ICAM1: variants seen among roughly 807,000 people sequenced by gnomAD.
ICAM1 encodes the protein intercellular adhesion molecule 1.
In ICAM1, 28 loss-of-function variants were observed where a neutral mutation model predicts 42.3. That is an observed-to-expected ratio of 0.66 (90% CI 0.49 to 0.91). The LOEUF (loss-of-function observed/expected upper bound fraction) is 0.91. ICAM1 is among the 40% of genes least tolerant of loss of function. The pLI is 0.00. For synonymous variants in ICAM1, 304 were observed against 305.9 expected, an observed-to-expected ratio of 0.99 and a Z score of 0.07; for missense variants, 637 against 688.6, an observed-to-expected ratio of 0.93 and a Z score of 0.84.
intron 1 of ICAM1, among the ~76,000 whole-genome samples, chr19:10,271,877 C>T (rs2039983955): frequency 6.6e-6 from 1 of 152,032 alleles, no homozygotes; most frequent in African/African-American, 2.4e-5. Flanking sequence ...GCACACCCTC[C>T]CCCAGCTCCA....
rs757120426 is a variant in ICAM1 at position 10,283,729 on chromosome 19, C to G, written c.580C>G (p.Pro194Ala). 1 of 1,613,518 alleles carries G rather than the reference C, an allele frequency of 6.2e-7. No homozygotes were observed. Among genetic ancestry groups the G allele is most frequent in the Admixed American group, 1.7e-5 (1 of 59,944 alleles). ...FSCRTELDLR[P>A]QGLELFENTS... is the part of the protein sequence containing the mutation. The stretch of plus-strand genomic sequence containing the variant: ...GTGCCGCACTGAACTGGACCTGCGG[C>G]CCCAAGGGCTGGAGCTGTTTGAGAA... The change falls in exon 3 of 7, where the codon CCC becomes GCC. Residue 194 changes from proline to alanine, a missense_variant. By Grantham distance (27) the Pro-to-Ala change is conservative. Coordinates refer to ENST00000264832, the MANE Select transcript of ICAM1 (RefSeq NM_000201.3).
At chr19:10,279,865 T>TA (rs5827095) in intron 2 of ICAM1, among the ~76,000 whole-genome samples, 160 of 142,336 alleles carry the variant, frequency 1.1e-3, no homozygotes, top group East Asian at 1.7e-3. Context: ...ACACTGCCCC[T>TA]AAAAAAAAAA....
chr19:10,281,031 G>A (rs532743784), intron 2 of ICAM1, among the ~76,000 whole-genome samples: 3,804 of 137,962 alleles, frequency 0.028, 152 homozygotes, highest in African/African-American at 0.093. Context: ...CCACCACCAC[G>A]CCTGGCTAAT....
chr19:10,282,732 G>T (rs1329676039), intron 2 of ICAM1, among the ~76,000 whole-genome samples: 1 of 151,670 alleles, frequency 6.6e-6, no homozygotes, highest in Non-Finnish European at 1.5e-5. Flanking sequence ...GAATGTCTAG[G>T]CCAGGCTCAT....
rs150121537 is a variant in ICAM1 at position 10,284,974 on chromosome 19, C to T, written c.1372C>T (p.Arg458Trp). ...TRDLEGTYLCRARSTQGEVTR... is the reference protein window; with the variant it reads ...TRDLEGTYLCWARSTQGEVTR... ...AGATCTTGAGGGCACCTACCTCTGT[C>T]GGGCCAGGAGCACTCAAGGGGAGGT... The change falls in exon 6 of 7, where the codon CGG (arginine) becomes TGG (tryptophan). Residue 458 changes from arginine to tryptophan, a missense_variant. Arg to Trp is a moderately radical substitution (Grantham distance 101). Coordinates refer to ENST00000264832, the MANE Select transcript of ICAM1 (RefSeq NM_000201.3). The surrounding 1 kb of genome is among the most constrained non-coding windows in gnomAD (Gnocchi z 5.4). 2.7e-3 allele frequency: 4,341 copies of T among 1,611,720 alleles called. 18 individuals carry two copies. Among genetic ancestry groups the T allele is most frequent in the Non-Finnish European group, 3.0e-3 (3,577 of 1,178,486 alleles).
At chr19:10,278,281 T>C (rs2040030897) in intron 2 of ICAM1, among the ~76,000 whole-genome samples, 1 of 152,320 alleles carries the variant, frequency 6.6e-6, no homozygotes, top group Non-Finnish European at 1.5e-5. Flanking sequence ...GGGACATGAC[T>C]TCTGCATTTA....
rs146780348 is a variant in ICAM1 at position 10,274,923 on chromosome 19, C to T, written c.226C>T (p.Arg76Trp). ...KKELLLPGNN[R>W]KVYELSNVQE... ...GGAGTTGCTCCTGCCTGGGAACAAC[C>T]GGAAGGTGTATGAACTGAGCAATGT... The change falls in exon 2 of 7, where the codon CGG becomes TGG. Residue 76 changes from arginine (R) to tryptophan (W), a missense_variant. By Grantham distance (101) the Arg-to-Trp change is moderately radical. Transcript: ENST00000264832. 2.0e-5 allele frequency: 32 copies of T among 1,614,094 alleles called. No individual in the cohort carries two copies. Among genetic ancestry groups the T allele is most frequent in the East Asian group, 8.9e-5 (4 of 44,886 alleles).
Position 10,284,771 on chromosome 19 carries a change from G to A in ICAM1, c.1181-12G>A, listed in dbSNP as rs5496. On this transcript the variant is annotated splice_polypyrimidine_tract_variant and intron_variant, in intron 5 of 6. Coordinates refer to ENST00000264832, the MANE Select transcript of ICAM1 (RefSeq NM_000201.3). The surrounding 1 kb of genome is among the most constrained non-coding windows in gnomAD (Gnocchi z 5.4). Reference sequence around the variant, plus strand: ...CCACCCACCTCCATGTCATCTCATCGTGTTTTTCCAGATGGCCCCCGACTG... The same window carrying A: ...CCACCCACCTCCATGTCATCTCATCATGTTTTTCCAGATGGCCCCCGACTG... The A allele has an allele frequency of 5.4e-3, 8,732 of 1,606,430 alleles. 446 individuals are homozygous for A. The African/African-American group carries it at 0.11, about 19-fold the overall frequency.
rs2040084091 is a variant in ICAM1 at position 10,284,169 on chromosome 19, G to A, written c.774G>A (p.Arg258=). Residue 258 remains arginine, a synonymous_variant, in exon 4 of 7, where the codon AGG becomes AGA. Coordinates refer to ENST00000264832, the MANE Select transcript of ICAM1 (RefSeq NM_000201.3). The surrounding 1 kb of genome is among the most constrained non-coding windows in gnomAD (Gnocchi z 5.4). The part of the protein sequence containing the change: ...AQVHLALGDQ[R]LNPTVTYGND... ...TCCACCTGGCACTGGGGGACCAGAGGTTGAACCCCACAGTCACCTATGGCA... is the reference window on the plus strand; with the variant it reads ...TCCACCTGGCACTGGGGGACCAGAGATTGAACCCCACAGTCACCTATGGCA... The A allele has an allele frequency of 6.2e-7, 1 of 1,613,952 alleles. No individual in the cohort carries two copies. Among genetic ancestry groups the A allele is most frequent in the African/African-American group, 1.3e-5 (1 of 74,928 alleles).
At chr19:10,277,101 G>A in intron 2 of ICAM1, among the ~76,000 whole-genome samples, 1 of 152,214 alleles carries the variant, frequency 6.6e-6, no homozygotes, top group Admixed American at 6.6e-5. Context: ...AAGGAAGTGG[G>A]AGAAATGACA....
chr19:10,283,432 G>C (rs773233049), intron 2 of ICAM1, 49 bp from the exon 3 acceptor site: 1 of 1,504,990 alleles, frequency 6.6e-7, no homozygotes, highest in East Asian at 2.3e-5. Flanking sequence ...CTGTTAGGCA[G>C]GCAGCAAGGT....
Position 10,284,255 on chromosome 19 carries a change from G to C in ICAM1, c.860G>C (p.Arg287Pro). 1 of 1,613,972 alleles carries C rather than the reference G, an allele frequency of 6.2e-7. No individual in the cohort carries two copies. The highest frequency in any genetic ancestry group is 8.5e-7 in the Non-Finnish European group (1 of 1,180,022). The change falls in exon 4 of 7, where the codon CGG becomes CCG. Residue 287 changes from arginine (R) to proline (P), a missense_variant. Arg to Pro is a moderately radical substitution (Grantham distance 103, BLOSUM62 -2). Coordinates refer to ENST00000264832, the MANE Select transcript of ICAM1 (RefSeq NM_000201.3). This position sits in a 1 kb window ranked among gnomAD's most constrained non-coding sequence, Gnocchi z 5.4. Reference sequence around the variant, plus strand: ...ACCGCAGAGGACGAGGGCACCCAGCGGCTGACGTGTGCAGTAATACTGGGG... The same window carrying C: ...ACCGCAGAGGACGAGGGCACCCAGCCGCTGACGTGTGCAGTAATACTGGGG... ...SVTAEDEGTQ[R>P]LTCAVILGNQ... is the part of the protein sequence containing the mutation.
At chr19:10,279,270 G>A (rs927712240) in intron 2 of ICAM1, among the ~76,000 whole-genome samples, 5 of 152,024 alleles carry the variant, frequency 3.3e-5, no homozygotes, top group African/African-American at 4.8e-5. Flanking sequence ...TAGGCCAGGT[G>A]CAGTGGCTCA....
chr19:10,271,272 C>T, intron 1 of ICAM1, 46 bp downstream of exon 1: 1 of 1,551,116 alleles, frequency 6.4e-7, no homozygotes, highest in Non-Finnish European at 8.9e-7. Flanking sequence ...TCCGAAGCCC[C>T]GGGAGGACCG....
chr19:10,284,684 C>T lies in ICAM1; in HGVS notation c.1180+27C>T, dbSNP rs1407130239. On this transcript the variant is annotated intron_variant, in intron 5 of 6. Transcript: ENST00000264832. The surrounding 1 kb of genome is among the most constrained non-coding windows in gnomAD (Gnocchi z 5.4). ...TGAGTGGGGCTGCTGGTCAATGGCCCCTATCCCCCAAGGCCCAATCTCCCT... is the reference window on the plus strand; with the variant it reads ...TGAGTGGGGCTGCTGGTCAATGGCCTCTATCCCCCAAGGCCCAATCTCCCT... The T allele has an allele frequency of 6.2e-7, 1 of 1,613,348 alleles. No homozygotes were observed. The highest frequency in any genetic ancestry group is 8.5e-7 in the Non-Finnish European group (1 of 1,179,602).
chr19:10,273,524 C>T (rs181895962), intron 1 of ICAM1, among the ~76,000 whole-genome samples: 7 of 151,698 alleles, frequency 4.6e-5, no homozygotes, highest in African/African-American at 1.5e-4. Flanking sequence ...AAATATTAGC[C>T]GGGTATGGTG....
At chr19:10,272,364 T>C (rs1260479406) in intron 1 of ICAM1, among the ~76,000 whole-genome samples, 2 of 152,038 alleles carry the variant, frequency 1.3e-5, no homozygotes, top group African/African-American at 4.8e-5. Flanking sequence ...CTCTATGAAA[T>C]GGGAATGGTC....
intron 2 of ICAM1, among the ~76,000 whole-genome samples, chr19:10,280,975 T>C (rs912441530): frequency 6.9e-6 from 1 of 143,914 alleles, no homozygotes; most frequent in Non-Finnish European, 1.5e-5. Flanking sequence ...CCGGGTTCAC[T>C]CCATCCTCCT....
At position 10,283,624 on chromosome 19, in the gene ICAM1, C is replaced by T. The variant is rs375107327; in HGVS notation, c.475C>T (p.Arg159Trp). 2.2e-5 allele frequency: 36 copies of T among 1,613,840 alleles called. No homozygotes were observed. Among genetic ancestry groups the T allele is most frequent in the Admixed American group, 3.3e-5 (2 of 59,990 alleles). The change falls in exon 3 of 7, where the codon CGG becomes TGG. Residue 159 changes from arginine to tryptophan, a missense_variant. By Grantham distance (101) the Arg-to-Trp change is moderately radical (BLOSUM62 -3). Transcript: ENST00000264832. ...VLLRGEKELK[R>W]EPAVGEPAEV... ...GCTCCGTGGGGAGAAGGAGCTGAAA[C>T]GGGAGCCAGCTGTGGGGGAGCCCGC...
Sources: gnomAD v4.1 joint callset for allele counts (sites outside exome capture counted in the v4.1 genomes callset) on GRCh38, gnomAD v4.1.1 for gene constraint, Gnocchi (gnomAD v3.1) non-coding constraint, MANE v1.5 for transcripts, NCBI Gene and HGNC (gene_info 2026-07-23, HGNC 2026-07-21) for gene names.